The following COG7 variants were observed in gnomAD, a reference collection of about 807,000 sequenced individuals.
COG7 encodes the protein component of oligomeric golgi complex 7, also known as conserved oligomeric Golgi complex subunit 7.
In COG7, 49 loss-of-function variants were observed where a neutral mutation model predicts 91.5. That is an observed-to-expected ratio of 0.54 (90% CI 0.43 to 0.68). COG7 has a LOEUF of 0.68. Among genes scored for constraint, COG7 ranks in the 30% least tolerant of loss-of-function variants. The pLI, the probability that COG7 is intolerant of heterozygous loss-of-function variation, is 0.00. For missense variants in COG7, 895 were observed against 961.3 expected, an observed-to-expected ratio of 0.93 and a Z score of 0.91; for synonymous variants, 365 against 388.7, an observed-to-expected ratio of 0.94 and a Z score of 0.72.
chr16:23,417,855 T>C (rs1348112474), intron 8 of COG7, among the ~76,000 whole-genome samples: 2 of 152,182 alleles, frequency 1.3e-5, no homozygotes, highest in Non-Finnish European at 2.9e-5. Flanking sequence ...TGAAGTGCAA[T>C]AGACTTTCTA....
chr16:23,406,667 TG>T (rs1963468719), intron 11 of COG7, among the ~76,000 whole-genome samples: 1 of 152,200 alleles, frequency 6.6e-6, no homozygotes, highest in African/African-American at 2.4e-5. Flanking sequence ...GAGAGACCGC[TG>T]GGCAGGATAG....
At chr16:23,432,453 CTCTA>C (rs1443351444) in intron 6 of COG7, among the ~76,000 whole-genome samples, 2 of 151,966 alleles carry the variant, frequency 1.3e-5, no homozygotes, top group East Asian at 1.9e-4. Flanking sequence ...TTCAATAGCT[CTCTA>C]TCTGAGTGCT....
intron 13 of COG7, among the ~76,000 whole-genome samples, chr16:23,399,895 G>C (rs1963346530): frequency 6.6e-6 from 1 of 152,050 alleles, no homozygotes; most frequent in African/African-American, 2.4e-5. Flanking sequence ...TGACTCAAAG[G>C]GTTAAAATAA....
intron 10 of COG7, chr16:23,412,787 GC>G (rs1424308185): frequency 1.3e-5 from 2 of 152,570 alleles, no homozygotes; most frequent in Non-Finnish European, 2.9e-5. Context: ...CCAGGTTCAA[GC>G]AATTCCCCTG....
At chr16:23,405,406 A>C (rs1052046309) in intron 12 of COG7, among the ~76,000 whole-genome samples, 2 of 152,140 alleles carry the variant, frequency 1.3e-5, no homozygotes, top group African/African-American at 2.4e-5. Context: ...GCTGACCCTG[A>C]ACAGGGCCAG....
intron 13 of COG7, among the ~76,000 whole-genome samples, chr16:23,403,491 A>G (rs546298828): frequency 6.6e-6 from 1 of 152,356 alleles, no homozygotes; most frequent in African/African-American, 2.4e-5. Flanking sequence ...GCCTGTGAAT[A>G]AAGTATCAGA....
intron 14 of COG7, among the ~76,000 whole-genome samples, chr16:23,393,912 G>A (rs887543766): frequency 1.3e-5 from 2 of 151,980 alleles, no homozygotes; most frequent in Admixed American, 6.6e-5. Context: ...ATGGTGGCAG[G>A]CACCTGTAAT....
At chr16:23,438,137 T>C (rs1440852779) in intron 4 of COG7, among the ~76,000 whole-genome samples, 2 of 148,976 alleles carry the variant, frequency 1.3e-5, no homozygotes, top group Non-Finnish European at 3.0e-5. Flanking sequence ...TTATCAATAA[T>C]AGAATGAAAA....
chr16:23,438,715 A>C (rs897465863), intron 4 of COG7, among the ~76,000 whole-genome samples: 1 of 149,722 alleles, frequency 6.7e-6, no homozygotes, highest in Non-Finnish European at 1.5e-5. Context: ...CATACTAATT[A>C]GTATGGCTAT....
At chr16:23,391,169 G>C (rs1277323175) in intron 16 of COG7, among the ~76,000 whole-genome samples, 1 of 152,146 alleles carries the variant, frequency 6.6e-6, no homozygotes, top group Non-Finnish European at 1.5e-5. Context: ...CTATCTCCTA[G>C]AACTACAGCT....
chr16:23,398,413 C>G (rs1360723988), intron 13 of COG7, among the ~76,000 whole-genome samples: 1 of 152,236 alleles, frequency 6.6e-6, no homozygotes, highest in East Asian at 1.9e-4. Flanking sequence ...GAACTGATCC[C>G]TTTCATTTAT....
chr16:23,403,622 A>C, intron 13 of COG7, 72 bp downstream of exon 13: 2 of 1,576,472 alleles, frequency 1.3e-6, no homozygotes, highest in Non-Finnish European at 1.7e-6. Flanking sequence ...AGGGAGGGTT[A>C]AGCCCACACT....
At chr16:23,407,875 G>C (rs573295032) in intron 11 of COG7, among the ~76,000 whole-genome samples, 1 of 151,704 alleles carries the variant, frequency 6.6e-6, no homozygotes, top group East Asian at 2.0e-4. Context: ...ACTTGTCACA[G>C]TTGAGGGAAC....
At chr16:23,408,906 C>G (rs1963513403) in intron 11 of COG7, among the ~76,000 whole-genome samples, 1 of 151,426 alleles carries the variant, frequency 6.6e-6, no homozygotes. Context: ...ATTTTGCAGC[C>G]CAGAGAGGCT....
intron 14 of COG7, among the ~76,000 whole-genome samples, chr16:23,397,393 C>T (rs547954272): frequency 7.9e-5 from 12 of 152,192 alleles, no homozygotes; most frequent in East Asian, 3.9e-4. Flanking sequence ...GTTTCTTGTG[C>T]GCACTGACAT....
At chr16:23,429,165 T>C (rs543966406) in intron 6 of COG7, among the ~76,000 whole-genome samples, 2 of 152,180 alleles carry the variant, frequency 1.3e-5, no homozygotes, top group East Asian at 3.9e-4. Context: ...AATTTTTGTA[T>C]TTTCTGTAGA....
chr16:23,405,440 G>A (rs560367760), intron 12 of COG7, among the ~76,000 whole-genome samples: 21 of 152,066 alleles, frequency 1.4e-4, no homozygotes, highest in Non-Finnish European at 2.2e-4. Flanking sequence ...CTGTCTGACC[G>A]GCTGACAAGT....
intron 9 of COG7, chr16:23,414,765 T>C (rs951596162): frequency 6.6e-6 from 1 of 151,996 alleles, no homozygotes; most frequent in Non-Finnish European, 1.5e-5. Flanking sequence ...TCATGTCCTC[T>C]GAAAGCTACG....
intron 4 of COG7, among the ~76,000 whole-genome samples, chr16:23,438,708 A>G (rs1964050652): frequency 2.0e-5 from 3 of 151,286 alleles, no homozygotes; most frequent in Admixed American, 2.0e-4. Flanking sequence ...ACCATTTCAT[A>G]CTAATTAGTA....
Sources: gnomAD v4.1 joint callset for allele counts (sites outside exome capture counted in the v4.1 genomes callset) on GRCh38, gnomAD v4.1.1 for gene constraint, MANE v1.5 for transcripts, NCBI Gene and HGNC (gene_info 2026-07-23, HGNC 2026-07-21) for gene names.